The following UPP1 variants were observed in gnomAD, a reference collection of about 807,000 sequenced individuals.
The protein encoded by UPP1 is UPase 1.
A neutral mutation model predicts 29.6 loss-of-function variants in UPP1; 25 were observed. That is an observed-to-expected ratio of 0.85 (90% CI 0.62 to 1.18). UPP1 has a LOEUF of 1.18. UPP1 is among the 50% of genes most tolerant of loss of function. The pLI is 0.00. For missense variants in UPP1, 368 were observed against 410.4 expected (o/e 0.90, Z 0.89); for synonymous variants, 165 against 159.8 (o/e 1.03, Z -0.25).
chr7:48,091,409 G>T (rs1227241518), intron 2 of UPP1, among the ~76,000 whole-genome samples: 3 of 152,030 alleles, frequency 2.0e-5, no homozygotes, highest in Admixed American at 2.0e-4. Flanking sequence ...ATTTCCCTGG[G>T]AGGTAGAATT....
intron 3 of UPP1, among the ~76,000 whole-genome samples, chr7:48,098,431 G>C (rs557644120): frequency 2.6e-5 from 4 of 152,180 alleles, no homozygotes. Context: ...GGTGTGTTAC[G>C]TGGGATTCAG....
intron 6 of UPP1, 159 bp from the exon 7 acceptor site, chr7:48,106,714 A>T: frequency 1.6e-6 from 1 of 641,708 alleles, no homozygotes; most frequent in Non-Finnish European, 2.7e-6. Flanking sequence ...AAAATGGGTC[A>T]CTGTGTATTT....
At chr7:48,091,063 T>C (rs772181683) in intron 2 of UPP1, among the ~76,000 whole-genome samples, 6 of 152,090 alleles carry the variant, frequency 3.9e-5, no homozygotes, top group Admixed American at 2.0e-4. Context: ...AAAAATCAAA[T>C]ATATAACAGA....
At chr7:48,107,243 T>C (rs772715981) in intron 7 of UPP1, 118 bp from the exon 8 acceptor site, 73 of 1,428,822 alleles carry the variant, frequency 5.1e-5, no homozygotes, top group Non-Finnish European at 6.9e-5. Context: ...GTGGTCATTA[T>C]AGGCAGGACC....
chr7:48,094,305 C>T (rs80094289), intron 2 of UPP1, among the ~76,000 whole-genome samples: 1 of 151,426 alleles, frequency 6.6e-6, no homozygotes. Context: ...CCTCTGCCTC[C>T]CAGGTTCAAG....
chr7:48,096,243 G>T (rs1398540474), intron 3 of UPP1, among the ~76,000 whole-genome samples: 3 of 152,184 alleles, frequency 2.0e-5, no homozygotes, highest in Non-Finnish European at 4.4e-5. Flanking sequence ...TGCTAATCAT[G>T]TTCCACTTGC....
chr7:48,101,516 A>G lies in UPP1; in HGVS notation c.163-308A>G, dbSNP rs543558103. ...GCTGTCTCCACAGGCCGCCTTCTAC[A>G]TGACGGAGGGAGGCCGAGGGTGCAC... On this transcript the variant is annotated intron_variant, in intron 4 of 8. Transcript: ENST00000395564. Among the ~76,000 whole-genome samples the G allele has an allele frequency of 5.9e-5, 9 of 152,174 alleles. No homozygotes were observed. In the East Asian group the frequency reaches 1.4e-3, roughly 23 times the overall value.
At chr7:48,091,322 T>C (rs1383529813) in intron 2 of UPP1, among the ~76,000 whole-genome samples, 1 of 148,778 alleles carries the variant, frequency 6.7e-6, no homozygotes, top group Non-Finnish European at 1.5e-5. Context: ...TGGATCTGGC[T>C]GGTAATAGGT....
intron 3 of UPP1, among the ~76,000 whole-genome samples, chr7:48,097,815 T>C (rs1015826468): frequency 2.6e-5 from 4 of 152,124 alleles, no homozygotes; most frequent in African/African-American, 9.7e-5. Context: ...GGTGTGCAGA[T>C]CGTCAGAATT....
At chr7:48,090,812 CCT>C (rs1346696084) in intron 2 of UPP1, among the ~76,000 whole-genome samples, 2 of 152,202 alleles carry the variant, frequency 1.3e-5, no homozygotes, top group African/African-American at 4.8e-5. Context: ...ACCTTCTAGT[CCT>C]CTGCATTAAA....
At chr7:48,096,241 A>G (rs75399009) in intron 3 of UPP1, among the ~76,000 whole-genome samples, 4,354 of 152,266 alleles carry the variant, frequency 0.029, 214 homozygotes, top group African/African-American at 0.099. Flanking sequence ...TCTGCTAATC[A>G]TGTTCCACTT....
At chr7:48,106,793 C>T in intron 6 of UPP1, 80 bp from the exon 7 acceptor site, 1 of 1,317,200 alleles carries the variant, frequency 7.6e-7, no homozygotes, top group Non-Finnish European at 1.1e-6. Flanking sequence ...ATATGCTCTG[C>T]TGTGTGCTCC....
intron 3 of UPP1, among the ~76,000 whole-genome samples, chr7:48,098,182 G>C (rs1213417513): frequency 6.6e-6 from 1 of 152,168 alleles, no homozygotes; most frequent in Non-Finnish European, 1.5e-5. Flanking sequence ...TTGTACTTAT[G>C]TTTTCTATAT....
chr7:48,107,563 T>C, intron 8 of UPP1, 56 bp downstream of exon 8: 2 of 1,530,680 alleles, frequency 1.3e-6, no homozygotes, highest in Non-Finnish European at 1.8e-6. Context: ...TCTGCTCTCC[T>C]GGAGCCCCTC....
intron 2 of UPP1, among the ~76,000 whole-genome samples, chr7:48,093,050 AATC>A (rs1460059421): frequency 6.6e-6 from 1 of 152,164 alleles, no homozygotes; most frequent in Non-Finnish European, 1.5e-5. Context: ...TTAAAAAAAA[AATC>A]AACAACACCA....
chr7:48,103,503 A>G, intron 6 of UPP1, 92 bp downstream of exon 6: 1 of 1,147,384 alleles, frequency 8.7e-7, no homozygotes, highest in Non-Finnish European at 1.3e-6. Context: ...ATTAGAGACA[A>G]AGAGTTCCTT....
chr7:48,102,274 A>G (rs939446580), intron 5 of UPP1, among the ~76,000 whole-genome samples: 1 of 152,106 alleles, frequency 6.6e-6, no homozygotes, highest in African/African-American at 2.4e-5. Flanking sequence ...TAGAGGAAGG[A>G]CAGTAGGGGG....
chr7:48,092,896 G>A (rs1366194541), intron 2 of UPP1, among the ~76,000 whole-genome samples: 1 of 152,098 alleles, frequency 6.6e-6, no homozygotes, highest in Non-Finnish European at 1.5e-5. Flanking sequence ...TAGAGATGGA[G>A]TTTCACCATG....
rs142453363 is a variant in UPP1, at chr7:48,107,478, C to T, written c.764C>T (p.Ala255Val). 837 of 1,613,424 alleles carry T rather than the reference C, an allele frequency of 5.2e-4. 3 individuals carry two copies. Among genetic ancestry groups the T allele is most frequent in the Non-Finnish European group, 3.9e-4 (463 of 1,179,482 alleles). The change falls in exon 8 of 9, where the codon GCC becomes GTC. Residue 255 changes from alanine (A) to valine (V), a missense_variant. Ala to Val is a moderately conservative substitution (Grantham distance 64). Transcript: ENST00000395564. ...ATCGAGATGGAGTCCTCGGTGTTTG[C>T]CGCCATGTGCAGCGCCTGCGGCCTC... ...RNIEMESSVF[A>V]AMCSACGLQA... is the part of the protein sequence containing the mutation.
Sources: allele counts gnomAD v4.1 joint callset (sites outside exome capture counted in the v4.1 genomes callset), GRCh38; gene constraint gnomAD v4.1.1; transcripts MANE v1.5; gene names NCBI Gene and HGNC (gene_info 2026-07-23, HGNC 2026-07-21).